VPS41: variants seen among roughly 807,000 people sequenced by gnomAD.
The protein encoded by VPS41 is VPS41 subunit of HOPS complex, also known as vacuolar protein sorting-associated protein 41 homolog.
VPS41 carries 85 observed loss-of-function variants against 130.9 expected under a neutral mutation model. The ratio of observed to expected loss-of-function variants is 0.65; its 90% CI spans 0.55 to 0.78. VPS41 has a LOEUF of 0.78. Ranked by LOEUF, VPS41 falls within the 30% of genes least tolerant of loss-of-function variation. The pLI is 0.00. For missense variants in VPS41, 874 were observed against 1,018.7 expected (o/e 0.86, Z 1.93); for synonymous variants, 335 against 332.9 (o/e 1.01, Z -0.07).
intron 10 of VPS41, among the ~76,000 whole-genome samples, chr7:38,780,300 G>A (rs1197711198): frequency 6.6e-6 from 1 of 151,226 alleles, no homozygotes; most frequent in Non-Finnish European, 1.5e-5. Context: ...GGCTCAGCTC[G>A]CGGGCCCTGC....
rs1267257744 is a variant in VPS41 at position 38,795,629 on chromosome 7, A to G, written c.571-18T>C. ...TTCACACCCTGGAAAATAATACAGC[A>G]GTAAGCATCCTCTACTCAGGAGGAA... On this transcript the variant is annotated intron_variant, in intron 8 of 28. Transcript: ENST00000310301. 6.2e-7 allele frequency: 1 copy of G among 1,606,614 alleles called. No homozygotes were observed. The highest frequency in any genetic ancestry group is 1.3e-5 in the African/African-American group (1 of 74,730).
rs965334128 is a variant in VPS41 at position 38,804,233 on chromosome 7, G to A, written c.451-7369C>T. Among the ~76,000 whole-genome samples the A allele has an allele frequency of 2.6e-5, 4 of 151,922 alleles. No individual in the cohort carries two copies. The East Asian group carries it at 5.8e-4, about 22-fold the overall frequency. On this transcript the variant is annotated intron_variant, in intron 7 of 28. Coordinates refer to ENST00000310301, the MANE Select transcript of VPS41 (RefSeq NM_014396.4). Reference sequence around the variant, plus strand: ...GTTTATGTGCAGGTTTGTTATGTAGGTAAACTCGTGCCACAGGGGTTTGTT... The same window carrying A: ...GTTTATGTGCAGGTTTGTTATGTAGATAAACTCGTGCCACAGGGGTTTGTT...
At chr7:38,778,356 T>TA (rs1230584248) in intron 10 of VPS41, among the ~76,000 whole-genome samples, 2 of 152,198 alleles carry the variant, frequency 1.3e-5, no homozygotes, top group Non-Finnish European at 2.9e-5. Context: ...GTTTCTAGCG[T>TA]AACCAGGCTG....
intron 4 of VPS41, among the ~76,000 whole-genome samples, chr7:38,847,832 C>T (rs1329250265): frequency 1.3e-5 from 2 of 152,154 alleles, no homozygotes; most frequent in Non-Finnish European, 2.9e-5. Flanking sequence ...TGCAGCAATG[C>T]TAATGCATTC....
Position 38,726,036 on chromosome 7 carries a change from C to T in VPS41, c.*210G>A, listed in dbSNP as rs1413014119. On this transcript the variant is annotated 3_prime_UTR_variant, in exon 29 of 29. Transcript: ENST00000310301. Reference sequence around the variant, plus strand: ...AAATAACAAAATATTCACTATGGACCCCAAAATTTCAAGGCATGAAGAGAG... The same window carrying T: ...AAATAACAAAATATTCACTATGGACTCCAAAATTTCAAGGCATGAAGAGAG... 1.2e-5 allele frequency: 6 copies of T among 520,332 alleles called. No individual in the cohort carries two copies. The highest frequency in any genetic ancestry group is 1.1e-4 in the African/African-American group (6 of 52,364). The allele number at this position is 520,332 out of a possible 1,614,324, so 32.2% of individuals were successfully genotyped here.
chr7:38,805,562 C>A (rs1318795260), intron 7 of VPS41, among the ~76,000 whole-genome samples: 2 of 127,524 alleles, frequency 1.6e-5, no homozygotes, highest in Non-Finnish European at 1.7e-5. Flanking sequence ...AAAGTAAAGC[C>A]CAAAAGTTGA....
At chr7:38,799,512 G>A (rs1482796949) in intron 7 of VPS41, among the ~76,000 whole-genome samples, 6 of 151,988 alleles carry the variant, frequency 3.9e-5, no homozygotes, top group Non-Finnish European at 4.4e-5. Context: ...ATGACATGTC[G>A]CTACACAACA....
rs374943401 is a variant in VPS41, at chr7:38,869,134, G to T, written c.168+12C>A. The T allele has an allele frequency of 2.0e-5, 31 of 1,521,492 alleles. No homozygotes were observed. The East Asian group carries it at 2.3e-4, about 11-fold the overall frequency. The allele number at this position is 1,521,492 out of a possible 1,614,324, so 94.2% of individuals were successfully genotyped here. On this transcript the variant is annotated intron_variant, in intron 3 of 28. Coordinates refer to ENST00000310301, the MANE Select transcript of VPS41 (RefSeq NM_014396.4). The stretch of plus-strand genomic sequence containing the variant: ...CAATTTACAGAAGAATCCTCTGAAA[G>T]TGCTATCTTACCTTGTCATGGACTG...
rs201671815 is a variant in VPS41 at position 38,832,007 on chromosome 7, CT to C, written c.247-1680del. ...TTAGCAATAGAAGGGTTTTTTTTCA[CT>C]TTTTTTTCTGCCAACAATCAATATT... is the stretch of plus-strand genomic sequence containing the variant. On this transcript the variant is annotated intron_variant, in intron 4 of 28. Transcript: ENST00000310301. 3.3e-5 allele frequency among the ~76,000 whole-genome samples: 5 copies of C among 151,906 alleles called. 1 individual carries two copies. Among genetic ancestry groups the C allele is most frequent in the South Asian group, 2.1e-4 (1 of 4,798 alleles).
At chr7:38,817,727 C>G (rs1562597283) in intron 7 of VPS41, 90 bp downstream of exon 7, 19 of 1,058,186 alleles carry the variant, frequency 1.8e-5, no homozygotes, top group Non-Finnish European at 2.7e-5. Context: ...TAATGAATAG[C>G]CAGACATAAA....
At chr7:38,763,040 A>G (rs1223014729) in intron 17 of VPS41, among the ~76,000 whole-genome samples, 4 of 152,326 alleles carry the variant, frequency 2.6e-5, no homozygotes, top group Non-Finnish European at 5.9e-5. Context: ...CTTAAATTAC[A>G]TTACTTTAAA....
intron 14 of VPS41, among the ~76,000 whole-genome samples, chr7:38,770,928 A>G (rs1784141403): frequency 6.6e-6 from 1 of 152,190 alleles, no homozygotes; most frequent in Non-Finnish European, 1.5e-5. Context: ...GGAAACTTTC[A>G]TACACATAAC....
At chr7:38,890,861 T>A (rs1291375370) in intron 2 of VPS41, among the ~76,000 whole-genome samples, 1 of 152,044 alleles carries the variant, frequency 6.6e-6, no homozygotes, top group African/African-American at 2.4e-5. Context: ...AATTTTTAAA[T>A]TTTTTGTAGA....
At chr7:38,739,130 T>C (rs1295494624) in intron 25 of VPS41, among the ~76,000 whole-genome samples, 2 of 152,220 alleles carry the variant, frequency 1.3e-5, no homozygotes, top group East Asian at 1.9e-4. Context: ...TCCCAATGCA[T>C]ACCAGCAAGA....
intron 7 of VPS41, among the ~76,000 whole-genome samples, chr7:38,803,722 G>A (rs1012595512): frequency 3.9e-4 from 60 of 152,202 alleles, no homozygotes; most frequent in African/African-American, 1.4e-3. Context: ...ATGAGTGAGT[G>A]TGGAGAAGAC....
intron 24 of VPS41, 97 bp downstream of exon 24, chr7:38,743,305 C>A: frequency 7.0e-7 from 1 of 1,426,380 alleles, no homozygotes; most frequent in South Asian, 1.3e-5. Flanking sequence ...CTACCATTTT[C>A]TTAACCCAAT....
intron 7 of VPS41, among the ~76,000 whole-genome samples, chr7:38,802,674 T>C (rs1029788174): frequency 4.6e-5 from 7 of 152,352 alleles, no homozygotes; most frequent in African/African-American, 1.4e-4. Context: ...ACAAACATTC[T>C]ATACTAATTT....
chr7:38,884,601 C>T (rs962487662), intron 2 of VPS41, among the ~76,000 whole-genome samples: 7 of 152,044 alleles, frequency 4.6e-5, no homozygotes, highest in African/African-American at 1.7e-4. Context: ...GCAATCCTCC[C>T]ACCTCGGCTT....
chr7:38,773,814 T>A (rs1784200880), intron 12 of VPS41, among the ~76,000 whole-genome samples: 1 of 152,108 alleles, frequency 6.6e-6, no homozygotes, highest in Non-Finnish European at 1.5e-5. Flanking sequence ...AGCTTGACAT[T>A]AAATTATGTG....
Sources: allele counts gnomAD v4.1 joint callset (sites outside exome capture counted in the v4.1 genomes callset), GRCh38; gene constraint gnomAD v4.1.1; transcripts MANE v1.5; gene names NCBI Gene and HGNC (gene_info 2026-07-23, HGNC 2026-07-21).